MSI2: variants seen among roughly 807,000 people sequenced by gnomAD.
The protein encoded by MSI2 is musashi RNA binding protein 2.
MSI2 carries 17 observed loss-of-function variants against 45.6 expected under a neutral mutation model. The ratio of observed to expected loss-of-function variants is 0.37; its 90% confidence interval spans 0.26 to 0.56. The LOEUF (loss-of-function observed/expected upper bound fraction) is 0.56, where lower values mean the gene tolerates loss of function less well. Among genes scored for constraint, MSI2 ranks in the 20% least tolerant of loss-of-function variants. The pLI is 0.77. For missense variants in MSI2, 293 were observed against 444.2 expected (o/e 0.66, Z 3.06); for synonymous variants, 156 against 158.2 (o/e 0.99, Z 0.11).
intron 5 of MSI2, among the ~76,000 whole-genome samples, chr17:57,348,021 G>A (rs917625621): frequency 1.3e-5 from 2 of 152,226 alleles, no homozygotes; most frequent in African/African-American, 2.4e-5. Context: ...CTTGTGCTGC[G>A]CTGCGTGTCC....
the MSI2 span, among the ~76,000 whole-genome samples, chr17:57,696,880 T>C: frequency 6.6e-6 from 1 of 152,156 alleles, no homozygotes; most frequent in Non-Finnish European, 1.5e-5. Flanking sequence ...TTCCCCAAAC[T>C]CTTGGCACAC....
In MSI2 at chr17:57,681,642, A is replaced by G. The variant is rs73318418; in HGVS notation, c.*2125A>G. 2,611 of 187,272 alleles carry G rather than the reference A, an allele frequency of 0.014. 58 individuals are homozygous for G. Among genetic ancestry groups the G allele is most frequent in the African/African-American group, 0.055 (2,376 of 42,868 alleles). The allele number at this position is 187,272 out of a possible 1,614,324, so 11.6% of individuals were successfully genotyped here. A position where few individuals can be genotyped will look rare whatever the true frequency, so the allele number is the denominator to read the frequency against. On this transcript the variant is annotated 3_prime_UTR_variant, in exon 14 of 14. Coordinates refer to ENST00000284073, the MANE Select transcript of MSI2 (RefSeq NM_138962.4). ...AACAACATTTTTTTTAATTAAAAAA[A>G]AAATCATGTTCTTTGTTTTTCTAAT...
At chr17:57,496,199 G>A (rs2085975953) in intron 6 of MSI2, among the ~76,000 whole-genome samples, 1 of 152,182 alleles carries the variant, frequency 6.6e-6, no homozygotes. Context: ...GGGAGGGCCA[G>A]CCTGTCAATC....
intron 11 of MSI2, among the ~76,000 whole-genome samples, chr17:57,661,571 G>A (rs1275958894): frequency 6.6e-6 from 1 of 152,174 alleles, no homozygotes; most frequent in Non-Finnish European, 1.5e-5. Context: ...TAATCCTGGG[G>A]TCTGGGGCTG....
At chr17:57,286,118 C>A in intron 5 of MSI2, 1 of 697,938 alleles carries the variant, frequency 1.4e-6, no homozygotes, top group Non-Finnish European at 2.1e-6. Context: ...TTGTCTAATA[C>A]CTAATTCCTT....
rs376500773 is a variant in MSI2, at chr17:57,498,817, T to C, written c.406-30859T>C. The stretch of plus-strand genomic sequence containing the variant: ...AGTTCTAGGGTACACGTGCACAATG[T>C]GCAGATTTGTTATATATGTATACGT... On this transcript the variant is annotated intron_variant, in intron 6 of 13. Transcript: ENST00000284073. 4.7e-4 allele frequency among the ~76,000 whole-genome samples: 72 copies of C among 152,228 alleles called. 1 individual carries two copies. The South Asian group carries it at 0.014, about 30-fold the overall frequency.
At chr17:57,691,203 CT>C in the MSI2 span, among the ~76,000 whole-genome samples, 16,679 of 71,314 alleles carry the variant, frequency 0.23, 1,141 homozygotes, top group East Asian at 0.46. Flanking sequence ...TCTCTCTCAT[CT>C]ATCTATCTAT....
At chr17:57,563,687 G>C (rs963597886) in intron 7 of MSI2, among the ~76,000 whole-genome samples, 1 of 148,722 alleles carries the variant, frequency 6.7e-6, no homozygotes, top group Non-Finnish European at 1.5e-5. Flanking sequence ...GTGGCTGACT[G>C]TCTGTCTGTC....
chr17:57,306,969 T>A (rs1911975188), intron 5 of MSI2, among the ~76,000 whole-genome samples: 1 of 152,218 alleles, frequency 6.6e-6, no homozygotes. Context: ...TCACTGGAGC[T>A]CCTTTAACTA....
intron 11 of MSI2, among the ~76,000 whole-genome samples, chr17:57,666,426 C>T (rs1352292137): frequency 2.0e-5 from 3 of 152,228 alleles, no homozygotes; most frequent in Admixed American, 6.5e-5. Flanking sequence ...AGTATGAGTT[C>T]CCTTTCCAGC....
In MSI2 at chr17:57,668,226, G is replaced by A. The variant is rs1233426732; in HGVS notation, c.791-6746G>A. Reference sequence around the variant, plus strand: ...CTAGCCACAAAGCCTTTCTCAGGTCGGTTCTGGGTGTTTGGAACTTTTTCC... The same window carrying A: ...CTAGCCACAAAGCCTTTCTCAGGTCAGTTCTGGGTGTTTGGAACTTTTTCC... On this transcript the variant is annotated intron_variant, in intron 11 of 13. Transcript: ENST00000284073. Among the ~76,000 whole-genome samples, 6 of 152,046 alleles carry A rather than the reference G, an allele frequency of 3.9e-5. 1 individual carries two copies. Among genetic ancestry groups the A allele is most frequent in the South Asian group, 4.1e-4 (2 of 4,822 alleles).
rs1026190249 is a variant in MSI2 at position 57,256,987 on chromosome 17, C to T, written c.63-111C>T. On this transcript the variant is annotated intron_variant, in intron 1 of 13. Transcript: ENST00000284073. The stretch of plus-strand genomic sequence containing the variant: ...TCACCTTCTCCCCCACCCCACCTCC[C>T]GGCTCTCGCTCGCTCGCTCCCCCCC... The T allele has an allele frequency of 2.5e-6, 4 of 1,581,010 alleles. No individual in the cohort carries two copies. In the African/African-American group the frequency reaches 5.6e-5, roughly 22 times the overall value.
chr17:57,632,826 C>T (rs893186242), intron 10 of MSI2: 4 of 1,065,078 alleles, frequency 3.8e-6, no homozygotes, highest in Non-Finnish European at 4.5e-6. Flanking sequence ...GTGAGTGAAT[C>T]CATACATTTG....
chr17:57,283,554 A>G (rs1909607431), intron 5 of MSI2, among the ~76,000 whole-genome samples: 1 of 152,238 alleles, frequency 6.6e-6, no homozygotes, highest in African/African-American at 2.4e-5. Flanking sequence ...AAAGGAAAGA[A>G]AGGAAGAGAG....
intron 5 of MSI2, among the ~76,000 whole-genome samples, chr17:57,345,818 CAA>C (rs10685506): frequency 7.4e-5 from 9 of 121,210 alleles, no homozygotes; most frequent in South Asian, 2.9e-4. Flanking sequence ...GACTCCGTCT[CAA>C]AAAAAAAAAA....
At chr17:57,693,863 A>G in the MSI2 span, among the ~76,000 whole-genome samples, 3 of 152,226 alleles carry the variant, frequency 2.0e-5, no homozygotes, top group Non-Finnish European at 2.9e-5. Flanking sequence ...TCTGCAAACT[A>G]TGGTCCTTGG....
Position 57,257,452 on chromosome 17 carries a change from T to G in MSI2, c.104-14T>G. On this transcript the variant is annotated splice_polypyrimidine_tract_variant and intron_variant, in intron 2 of 13. Transcript: ENST00000284073. ...TTCTCTCCCCCCCCCATCTCTCTCT[T>G]TCTCTCTCTACAGATAGCCTTAGAG... The G allele has an allele frequency of 7.3e-7, 1 of 1,379,192 alleles. No homozygotes were observed. The highest frequency in any genetic ancestry group is 1.0e-6 in the Non-Finnish European group (1 of 985,290). 85.4% of individuals were successfully genotyped at this position (1,379,192 alleles called of 1,614,324 possible).
At chr17:57,302,152 T>C (rs1216183868) in intron 5 of MSI2, among the ~76,000 whole-genome samples, 1 of 152,236 alleles carries the variant, frequency 6.6e-6, no homozygotes, top group East Asian at 1.9e-4. Flanking sequence ...TTGGGGTACA[T>C]ACGATATTTT....
chr17:57,418,454 TAAG>T (rs145513051), intron 6 of MSI2, among the ~76,000 whole-genome samples: 1 of 152,304 alleles, frequency 6.6e-6, no homozygotes, highest in East Asian at 1.9e-4. Context: ...CTGCAAATAA[TAAG>T]GACTAGGGAG....
Sources: allele counts gnomAD v4.1 joint callset (sites outside exome capture counted in the v4.1 genomes callset), GRCh38; gene constraint gnomAD v4.1.1; transcripts MANE v1.5; gene names NCBI Gene and HGNC (gene_info 2026-07-23, HGNC 2026-07-21).